SEMA5B: variants seen among roughly 807,000 people sequenced by gnomAD.
The protein encoded by SEMA5B is semaphorin 5B.
SEMA5B carries 66 observed loss-of-function variants against 135.0 expected under a neutral mutation model. The ratio of observed to expected loss-of-function variants is 0.49; its 90% CI spans 0.40 to 0.60. The LOEUF is 0.60. Among genes scored for constraint, SEMA5B ranks in the 20% least tolerant of loss-of-function variants. SEMA5B has a pLI of 0.00. For synonymous variants in SEMA5B, 690 were observed against 639.5 expected (o/e 1.08, Z -1.19); for missense variants, 1,501 against 1,566.3 (o/e 0.96, Z 0.70).
chr3:122,944,037 ATGTGGT>A (rs1265734589), intron 3 of SEMA5B, among the ~76,000 whole-genome samples: 4 of 152,040 alleles, frequency 2.6e-5, no homozygotes, highest in Non-Finnish European at 5.9e-5. Context: ...TCAAATGCAA[ATGTGGT>A]CATGTCACTC....
chr3:122,929,119 C>G (rs2107658917), intron 5 of SEMA5B, 61 bp from the exon 6 acceptor site: 1 of 1,505,168 alleles, frequency 6.6e-7, no homozygotes, highest in Non-Finnish European at 9.2e-7. Context: ...CTGCCACTCA[C>G]TGGCAGAGCA....
intron 12 of SEMA5B, 81 bp from the exon 13 acceptor site, chr3:122,915,971 C>A: frequency 1.0e-6 from 1 of 954,994 alleles, no homozygotes; most frequent in Non-Finnish European, 1.7e-6. Context: ...TGAACACTCC[C>A]CTCTGTGCAC....
At chr3:123,006,499 C>T (rs972683000) in intron 1 of SEMA5B, among the ~76,000 whole-genome samples, 3 of 152,220 alleles carry the variant, frequency 2.0e-5, no homozygotes, top group Non-Finnish European at 4.4e-5. Context: ...AACCTTTAAA[C>T]TGAATGGAAA....
Position 122,912,966 on chromosome 3 carries a change from C to G in SEMA5B, c.2602G>C (p.Asp868His). 2.5e-6 allele frequency: 4 copies of G among 1,611,922 alleles called. No homozygotes were observed. The South Asian group carries it at 3.3e-5, about 13-fold the overall frequency. Residue 868 changes from aspartate (D) to histidine (H), a missense_variant, in exon 18 of 23, where the codon GAC becomes CAC. By Grantham distance (81) the Asp-to-His change is moderately conservative. This residue lies in a region of SEMA5B where 927 missense variants were observed against 881.6 expected (regional missense o/e 1.05). Transcript: ENST00000357599. Reference sequence around the variant, plus strand: ...CGGACGCGGAAGCCCAGCTCGCAGTCCCGGGAGCAGGACGACCACGGGCCC... The same window carrying G: ...CGGACGCGGAAGCCCAGCTCGCAGTGCCGGGAGCAGGACGACCACGGGCCC... Reference protein sequence around the residue: ...AWGPWSSCSRDCELGFRVRKR... With the variant: ...AWGPWSSCSRHCELGFRVRKR...
intron 2 of SEMA5B, among the ~76,000 whole-genome samples, chr3:122,951,915 CTAAG>C (rs1170825731): frequency 6.6e-6 from 1 of 152,150 alleles, no homozygotes; most frequent in Non-Finnish European, 1.5e-5. Context: ...TTTTTCCTGC[CTAAG>C]TTTCTTCACG....
intron 1 of SEMA5B, among the ~76,000 whole-genome samples, chr3:122,988,760 G>C (rs1038534523): frequency 2.0e-5 from 3 of 152,192 alleles, no homozygotes; most frequent in Non-Finnish European, 4.4e-5. Context: ...AATTAATCTC[G>C]CCTCATCTGG....
chr3:122,928,401 T>C (rs1352648964), intron 7 of SEMA5B, 116 bp downstream of exon 7: 11 of 658,556 alleles, frequency 1.7e-5, no homozygotes, highest in Non-Finnish European at 2.9e-5. Context: ...TCCTTTTGTT[T>C]CTGTTTTGGG....
chr3:123,014,314 T>C (rs1433866855), intron 1 of SEMA5B, among the ~76,000 whole-genome samples: 1 of 152,194 alleles, frequency 6.6e-6, no homozygotes, highest in Non-Finnish European at 1.5e-5. Flanking sequence ...AGATCACCAG[T>C]AGACAGCGTG....
intron 3 of SEMA5B, among the ~76,000 whole-genome samples, chr3:122,944,104 A>G (rs568660248): frequency 3.3e-5 from 5 of 152,168 alleles, no homozygotes; most frequent in South Asian, 4.2e-4. Context: ...GAAAAGTCCA[A>G]CTCCTGCGAA....
At chr3:122,940,551 C>T (rs1163159763) in intron 4 of SEMA5B, among the ~76,000 whole-genome samples, 1 of 152,176 alleles carries the variant, frequency 6.6e-6, no homozygotes, top group African/African-American at 2.4e-5. Context: ...TTTTTAGGAA[C>T]AAAGATTTTA....
chr3:122,937,483 T>A (rs1361168335), intron 5 of SEMA5B, among the ~76,000 whole-genome samples: 1 of 152,180 alleles, frequency 6.6e-6, no homozygotes, highest in Non-Finnish European at 1.5e-5. Context: ...AACGTGGACA[T>A]AAAATGTATT....
intron 14 of SEMA5B, among the ~76,000 whole-genome samples, 182 bp downstream of exon 14, chr3:122,915,258 G>A (rs753103488): frequency 3.3e-5 from 5 of 152,174 alleles, no homozygotes; most frequent in Admixed American, 1.3e-4. Flanking sequence ...TCTCACTAGC[G>A]TGGAAACTCC....
intron 2 of SEMA5B, among the ~76,000 whole-genome samples, chr3:122,955,058 T>A (rs189472998): frequency 2.0e-5 from 3 of 150,610 alleles, no homozygotes; most frequent in Admixed American, 2.0e-4. Flanking sequence ...CACCTCAACC[T>A]CCCAAAATGC....
chr3:123,026,773 G>A (rs1186404154), intron 1 of SEMA5B, among the ~76,000 whole-genome samples: 2 of 152,216 alleles, frequency 1.3e-5, no homozygotes, highest in African/African-American at 2.4e-5. Flanking sequence ...CATAAATCGG[G>A]AAATCGCCGC....
At position 123,027,603 on chromosome 3, in the gene SEMA5B, C is replaced by T. The variant is rs1366416524; in HGVS notation, c.-178G>A. ...CGCAGGAACGGCCTCCAGCTCTCAG[C>T]GCTCCGGTGCAGTCCCCACCCGGGC... On this transcript the variant is annotated 5_prime_UTR_variant, in exon 1 of 23. Transcript: ENST00000357599. 1 of 152,184 alleles carries T rather than the reference C, an allele frequency of 6.6e-6. No individual in the cohort carries two copies. Among genetic ancestry groups the T allele is most frequent in the Non-Finnish European group, 1.5e-5 (1 of 68,056 alleles). 9.4% of individuals were successfully genotyped at this position (152,184 alleles called of 1,614,324 possible).
chr3:122,918,675 G>A (rs112328760), intron 12 of SEMA5B, among the ~76,000 whole-genome samples: 192 of 152,290 alleles, frequency 1.3e-3, no homozygotes, highest in African/African-American at 3.9e-3. Context: ...GAAGAAAGAG[G>A]ATACCAGATT....
chr3:123,002,361 T>G (rs1033255963), intron 1 of SEMA5B, among the ~76,000 whole-genome samples: 13 of 152,188 alleles, frequency 8.5e-5, no homozygotes, highest in Admixed American at 8.5e-4. Context: ...GCAGACCTAC[T>G]CAGTGTCCTG....
At chr3:123,003,534 A>G (rs1942233647) in intron 1 of SEMA5B, among the ~76,000 whole-genome samples, 1 of 152,112 alleles carries the variant, frequency 6.6e-6, no homozygotes, top group African/African-American at 2.4e-5. Context: ...GCCTCTTCCC[A>G]AAGAAAGTTC....
At position 122,910,974 on chromosome 3, in the gene SEMA5B, C is replaced by G; in HGVS notation, c.3163G>C (p.Val1055Leu). ...TGGCAGTGCTGGCAAGACAGGTACA[C>G]TGCTAGGGTCAGGAGCCCAGAGCCC... ...FLGSGLLTLA[V>L]YLSCQHCQRQ... The change falls in exon 22 of 23, where the codon GTG becomes CTG. Residue 1055 changes from valine (V) to leucine (L), a missense_variant. Val to Leu is a conservative substitution (Grantham distance 32). This residue lies in a region of SEMA5B where 927 missense variants were observed against 881.6 expected (regional missense o/e 1.05). Coordinates refer to ENST00000357599, the MANE Select transcript of SEMA5B (RefSeq NM_001031702.4). The G allele has an allele frequency of 6.2e-7, 1 of 1,613,986 alleles. No individual in the cohort carries two copies. The highest frequency in any genetic ancestry group is 8.5e-7 in the Non-Finnish European group (1 of 1,180,000).
Sources: gnomAD v4.1 joint callset for allele counts (sites outside exome capture counted in the v4.1 genomes callset) on GRCh38, gnomAD v4.1.1 for gene constraint, gnomAD v4.1.1 regional missense constraint, MANE v1.5 for transcripts, NCBI Gene and HGNC (gene_info 2026-07-23, HGNC 2026-07-21) for gene names.